Variants in TCF12 observed in about 807,000 individuals in gnomAD.
TCF12 encodes transcription factor 12.
Under a neutral mutation model 86.0 loss-of-function variants are expected in TCF12, and 45 were observed. The observed-to-expected ratio is 0.52, with a 90% CI of 0.41 to 0.67. The LOEUF (loss-of-function observed/expected upper bound fraction) is 0.67. Among genes scored for constraint, TCF12 ranks in the 30% least tolerant of loss-of-function variants. The probability of loss-of-function intolerance (pLI) is 0.00; values close to 1 mark genes in which losing one functional copy is unlikely to be tolerated. For missense variants in TCF12, 881 were observed against 859.9 expected (o/e 1.02, Z -0.31); for synonymous variants, 330 against 299.6 (o/e 1.10, Z -1.05).
At chr15:57,171,168 T>A (rs1250467020) in intron 6 of TCF12, among the ~76,000 whole-genome samples, 16 of 151,756 alleles carry the variant, frequency 1.1e-4, no homozygotes, top group Admixed American at 1.1e-3. Flanking sequence ...CTAGAATGTT[T>A]GATACAAAAT....
intron 5 of TCF12, among the ~76,000 whole-genome samples, chr15:57,163,975 A>G (rs1019410124): frequency 2.0e-5 from 3 of 152,148 alleles, no homozygotes; most frequent in Non-Finnish European, 4.4e-5. Context: ...TCAGAGAACA[A>G]CTTCATTCTG....
intron 3 of TCF12, among the ~76,000 whole-genome samples, chr15:56,962,551 A>G (rs1222379338): frequency 1.3e-5 from 2 of 152,198 alleles, no homozygotes; most frequent in Non-Finnish European, 2.9e-5. Flanking sequence ...CATGAAGAAA[A>G]AGACTAGAAT....
At chr15:57,120,354 G>C (rs2051141448) in intron 5 of TCF12, among the ~76,000 whole-genome samples, 1 of 152,186 alleles carries the variant, frequency 6.6e-6, no homozygotes, top group Admixed American at 6.6e-5. Context: ...TTAGGTTGGA[G>C]TTTTCTTGAA....
At chr15:57,276,700 G>GC (rs1377745960) in intron 19 of TCF12, among the ~76,000 whole-genome samples, 2 of 151,822 alleles carry the variant, frequency 1.3e-5, no homozygotes, top group African/African-American at 4.8e-5. Flanking sequence ...AATATCATCA[G>GC]CGTTCTGGAC....
chr15:57,075,843 C>CT (rs1383766582), intron 4 of TCF12, among the ~76,000 whole-genome samples: 1 of 54,552 alleles, frequency 1.8e-5, no homozygotes, highest in African/African-American at 5.9e-5. Context: ...TCTTTTCTTT[C>CT]TTTCTTTCTT....
intron 3 of TCF12, among the ~76,000 whole-genome samples, chr15:56,960,042 A>G (rs573593731): frequency 2.6e-5 from 4 of 151,348 alleles, no homozygotes; most frequent in Non-Finnish European, 4.4e-5. Context: ...TTTTGCACCA[A>G]CCCAATACTA....
rs1253386616 is a variant in TCF12, at chr15:57,118,434, G to GT, written c.325+26544dup. 3 of 152,132 alleles carry GT rather than the reference G, an allele frequency of 2.0e-5. No homozygotes were observed. In the East Asian group the frequency reaches 5.8e-4, roughly 29 times the overall value. 9.4% of individuals were successfully genotyped at this position (152,132 alleles called of 1,614,324 possible). On this transcript the variant is annotated intron_variant, in intron 5 of 20. Coordinates refer to ENST00000333725, the MANE Select transcript of TCF12 (RefSeq NM_207037.2). Reference sequence around the variant, plus strand: ...CTTTAGTGGGTGCTTTGGATCAGCAGTATGTGCTCTTCATTTGAAATATCT... The same window carrying GT: ...CTTTAGTGGGTGCTTTGGATCAGCAGTTATGTGCTCTTCATTTGAAATATCT...
rs562673764 is a variant in TCF12 at position 57,121,905 on chromosome 15, A to G, written c.325+30014A>G. Among the ~76,000 whole-genome samples, 23 of 152,296 alleles carry G rather than the reference A, an allele frequency of 1.5e-4. No homozygotes were observed. In the East Asian group the frequency reaches 2.9e-3, roughly 19 times the overall value. ...TCTTTGGAGTTTTGTGGAGTTATAT[A>G]TAACTTACTAGGTTGTCCTTGCCAT... is the stretch of plus-strand genomic sequence containing the variant. On this transcript the variant is annotated intron_variant, in intron 5 of 20. Coordinates refer to ENST00000333725, the MANE Select transcript of TCF12 (RefSeq NM_207037.2).
chr15:57,013,257 A>G (rs1455811931), intron 3 of TCF12, among the ~76,000 whole-genome samples: 2 of 152,164 alleles, frequency 1.3e-5, no homozygotes, highest in East Asian at 1.9e-4. Context: ...GACTTTGGGG[A>G]AAATAGAATT....
At chr15:57,281,986 C>T (rs1187088415) in intron 19 of TCF12, among the ~76,000 whole-genome samples, 6 of 152,052 alleles carry the variant, frequency 3.9e-5, no homozygotes, top group African/African-American at 1.4e-4. Flanking sequence ...GGGACCACTG[C>T]TTTAGAGGAA....
chr15:57,149,432 T>C (rs768987979), intron 5 of TCF12, among the ~76,000 whole-genome samples: 6 of 152,368 alleles, frequency 3.9e-5, no homozygotes, highest in Non-Finnish European at 8.8e-5. Flanking sequence ...TGCCAGCCTT[T>C]TAACCTTTTA....
chr15:57,237,970 A>AT (rs1308104187), intron 12 of TCF12, among the ~76,000 whole-genome samples: 2 of 152,154 alleles, frequency 1.3e-5, no homozygotes, highest in African/African-American at 2.4e-5. Context: ...AGTAAAAGTG[A>AT]TTTTTTAAAA....
chr15:57,207,681 AAAC>A (rs2057898343), intron 8 of TCF12, among the ~76,000 whole-genome samples: 1 of 152,150 alleles, frequency 6.6e-6, no homozygotes, highest in Non-Finnish European at 1.5e-5. Flanking sequence ...CCGTCTCAAA[AAAC>A]AACAACAAAA....
At chr15:56,919,678 G>GGT in intron 1 of TCF12, 1 of 388,476 alleles carries the variant, frequency 2.6e-6, no homozygotes, top group Non-Finnish European at 4.7e-6. Context: ...CGTCGATCTC[G>GGT]GGCCGCGGCG....
chr15:57,021,620 C>T (rs1379225622), intron 3 of TCF12, among the ~76,000 whole-genome samples: 1 of 152,172 alleles, frequency 6.6e-6, no homozygotes, highest in African/African-American at 2.4e-5. Context: ...ACAGAAGTGA[C>T]TTGTTTGGTC....
At chr15:57,034,187 T>A (rs2066367281) in intron 3 of TCF12, among the ~76,000 whole-genome samples, 1 of 152,230 alleles carries the variant, frequency 6.6e-6, no homozygotes, top group South Asian at 2.1e-4. Context: ...ACTGATCACA[T>A]TTTCAGATTT....
At chr15:57,128,109 G>A (rs183489542) in intron 5 of TCF12, among the ~76,000 whole-genome samples, 1 of 152,256 alleles carries the variant, frequency 6.6e-6, no homozygotes, top group East Asian at 1.9e-4. Flanking sequence ...TCATTTGGCT[G>A]TCTTCAGTAT....
intron 3 of TCF12, among the ~76,000 whole-genome samples, chr15:57,031,163 A>G (rs554558388): frequency 6.6e-6 from 1 of 152,176 alleles, no homozygotes; most frequent in South Asian, 2.1e-4. Flanking sequence ...TGCTCTCTCT[A>G]TATTTTTCTG....
intron 12 of TCF12, among the ~76,000 whole-genome samples, chr15:57,240,991 T>A (rs1347393803): frequency 6.6e-6 from 1 of 151,426 alleles, no homozygotes; most frequent in Non-Finnish European, 1.5e-5. Context: ...AATAAATCAA[T>A]GTATGTGTGC....
Sources: allele counts gnomAD v4.1 joint callset (sites outside exome capture counted in the v4.1 genomes callset), GRCh38; gene constraint gnomAD v4.1.1; transcripts MANE v1.5; gene names NCBI Gene and HGNC (gene_info 2026-07-23, HGNC 2026-07-21).